The following KCNH8 variants were observed in gnomAD, a reference collection of about 807,000 sequenced individuals.
KCNH8 encodes the protein potassium voltage-gated channel subfamily H member 8, also known as voltage-gated delayed rectifier potassium channel KCNH8.
Under a neutral mutation model 103.6 loss-of-function variants are expected in KCNH8, and 70 were observed. The ratio of observed to expected loss-of-function variants is 0.68; its 90% CI spans 0.56 to 0.82. The LOEUF (loss-of-function observed/expected upper bound fraction) is 0.82, where lower values mean the gene tolerates loss of function less well. Among genes scored for constraint, KCNH8 ranks in the 40% least tolerant of loss-of-function variants. KCNH8 has a pLI of 0.00. For missense variants in KCNH8, 1,217 were observed against 1,329.9 expected, an observed-to-expected ratio of 0.92 and a Z score of 1.32; for synonymous variants, 498 against 489.4, an observed-to-expected ratio of 1.02 and a Z score of -0.23.
intron 5 of KCNH8, among the ~76,000 whole-genome samples, chr3:19,382,734 G>T (rs1008520632): frequency 1.3e-5 from 2 of 151,984 alleles, no homozygotes; most frequent in African/African-American, 4.8e-5. Flanking sequence ...AGTTGGACTC[G>T]AAATTCTACA....
At chr3:19,339,006 T>C (rs1277687321) in intron 3 of KCNH8, among the ~76,000 whole-genome samples, 4 of 152,132 alleles carry the variant, frequency 2.6e-5, no homozygotes, top group Non-Finnish European at 2.9e-5. Flanking sequence ...GATGTGTTTG[T>C]GGTTTATGTA....
chr3:19,423,518 A>G (rs904183102), intron 7 of KCNH8, among the ~76,000 whole-genome samples: 6 of 152,072 alleles, frequency 3.9e-5, no homozygotes, highest in African/African-American at 1.4e-4. Context: ...AAGTGAGAAC[A>G]TACAGTATTT....
Position 19,534,374 on chromosome 3 carries a change from A to T in KCNH8, c.*275A>T. On this transcript the variant is annotated 3_prime_UTR_variant, in exon 16 of 16. Transcript: ENST00000328405. ...ACAATCCAAAGACCCTGAGGGTCTGAGCAGCTAGAAGTCCTAGACAAAGAA... is the reference window on the plus strand; with the variant it reads ...ACAATCCAAAGACCCTGAGGGTCTGTGCAGCTAGAAGTCCTAGACAAAGAA... 1 of 444,560 alleles carries T rather than the reference A, an allele frequency of 2.2e-6. No homozygotes were observed. Among genetic ancestry groups the T allele is most frequent in the Non-Finnish European group, 4.0e-6 (1 of 251,024 alleles). The allele number at this position is 444,560 out of a possible 1,614,324, so 27.5% of individuals were successfully genotyped here.
chr3:19,236,336 G>C (rs1033111509), intron 1 of KCNH8, among the ~76,000 whole-genome samples: 1 of 152,142 alleles, frequency 6.6e-6, no homozygotes, highest in South Asian at 2.1e-4. Context: ...CAAAAATGTG[G>C]ACAGTCATTA....
chr3:19,399,384 T>C (rs961943240), intron 7 of KCNH8, among the ~76,000 whole-genome samples: 1 of 152,006 alleles, frequency 6.6e-6, no homozygotes, highest in African/African-American at 2.4e-5. Flanking sequence ...TTATTTTAGC[T>C]ACTATCACTT....
chr3:19,322,925 T>C (rs2065369208), intron 3 of KCNH8, among the ~76,000 whole-genome samples: 1 of 152,170 alleles, frequency 6.6e-6, no homozygotes, highest in East Asian at 1.9e-4. Context: ...TTGGGTTAAT[T>C]CAAATGCCTT....
Position 19,456,783 on chromosome 3 carries a change from T to C in KCNH8, c.1841T>C (p.Ile614Thr), listed in dbSNP as rs1405480760. The C allele has an allele frequency of 2.5e-6, 4 of 1,609,712 alleles. No individual in the cohort carries two copies. The highest frequency in any genetic ancestry group is 3.4e-6 in the Non-Finnish European group (4 of 1,176,644). ...CTCTTTCTAGGGAAAGGGGATTTAA[T>C]TGGAGCAAATCTATCAATTAAGGAC... is the stretch of plus-strand genomic sequence containing the variant. Reference protein sequence around the residue: ...VLAILGKGDLIGANLSIKDQV... With the variant: ...VLAILGKGDLTGANLSIKDQV... The change falls in exon 11 of 16, where the codon ATT becomes ACT. Residue 614 changes from isoleucine (I) to threonine (T), a missense_variant. This residue lies in a region of KCNH8 where 415 missense variants were observed against 577.4 expected (regional missense o/e 0.72). Transcript: ENST00000328405.
At chr3:19,382,957 T>G (rs1559300715) in intron 5 of KCNH8, among the ~76,000 whole-genome samples, 1 of 152,148 alleles carries the variant, frequency 6.6e-6, no homozygotes, top group Admixed American at 6.5e-5. Context: ...TCTTGTCATA[T>G]GCTTCCATAA....
intron 1 of KCNH8, among the ~76,000 whole-genome samples, chr3:19,230,511 C>T (rs1049772420): frequency 6.6e-6 from 1 of 152,060 alleles, no homozygotes; most frequent in African/African-American, 2.4e-5. Context: ...TAAAGATCTG[C>T]TACTATGCTA....
intron 7 of KCNH8, among the ~76,000 whole-genome samples, chr3:19,413,887 A>G (rs2066822250): frequency 6.6e-6 from 1 of 152,116 alleles, no homozygotes; most frequent in Admixed American, 6.6e-5. Flanking sequence ...CAGGATGAAG[A>G]CATAATATGA....
intron 11 of KCNH8, among the ~76,000 whole-genome samples, chr3:19,472,294 A>AT (rs534098016): frequency 3.3e-4 from 50 of 151,888 alleles, no homozygotes; most frequent in African/African-American, 1.0e-3. Context: ...GGCACTTTAT[A>AT]TACCATCCAG....
chr3:19,213,728 C>G (rs1396118281), intron 1 of KCNH8, among the ~76,000 whole-genome samples: 1 of 152,144 alleles, frequency 6.6e-6, no homozygotes, highest in East Asian at 1.9e-4. Context: ...TAAGTACTTC[C>G]CCTTTAAAGA....
At chr3:19,366,712 A>G (rs1559494360) in intron 5 of KCNH8, among the ~76,000 whole-genome samples, 1 of 152,046 alleles carries the variant, frequency 6.6e-6, no homozygotes, top group Non-Finnish European at 1.5e-5. Context: ...TAGAAAAGGC[A>G]TTATTCACAT....
chr3:19,222,218 A>G (rs1292777526), intron 1 of KCNH8, among the ~76,000 whole-genome samples: 3 of 152,336 alleles, frequency 2.0e-5, no homozygotes, highest in South Asian at 2.1e-4. Flanking sequence ...CAAAAGCTCT[A>G]TGAATTACCC....
chr3:19,192,371 C>A (rs2063561617), intron 1 of KCNH8, among the ~76,000 whole-genome samples: 1 of 151,670 alleles, frequency 6.6e-6, no homozygotes. Flanking sequence ...GCTACTCTCA[C>A]TGGGGTTCCA....
At chr3:19,233,688 TG>T (rs1400413150) in intron 1 of KCNH8, among the ~76,000 whole-genome samples, 3 of 152,324 alleles carry the variant, frequency 2.0e-5, no homozygotes, top group African/African-American at 7.2e-5. Flanking sequence ...CTGGGTACTC[TG>T]GTTTCCTCTC....
At chr3:19,192,044 G>A (rs995087584) in intron 1 of KCNH8, among the ~76,000 whole-genome samples, 2 of 151,412 alleles carry the variant, frequency 1.3e-5, no homozygotes, top group African/African-American at 2.4e-5. Context: ...CTGGTCTCAG[G>A]TTGTACAGCC....
rs1471959236 is a variant in KCNH8 at position 19,513,576 on chromosome 3, ACTAC to A, written c.2435+255_2435+258del. 2.6e-5 allele frequency among the ~76,000 whole-genome samples: 4 copies of A among 152,268 alleles called. 1 individual carries two copies. Among genetic ancestry groups the A allele is most frequent in the South Asian group, 4.1e-4 (2 of 4,828 alleles). ...TCTTTACTCCTTTTATTCATTTTGCACTACCTATTATGTTAAATGTATATTCCTA... is the reference window on the plus strand; with the variant it reads ...TCTTTACTCCTTTTATTCATTTTGCACTATTATGTTAAATGTATATTCCTA... On this transcript the variant is annotated intron_variant, in intron 13 of 15. Transcript: ENST00000328405.
At chr3:19,483,585 T>C (rs538119327) in intron 11 of KCNH8, among the ~76,000 whole-genome samples, 13 of 152,192 alleles carry the variant, frequency 8.5e-5, no homozygotes, top group Admixed American at 1.3e-4. Context: ...TGAAGTGACA[T>C]TGAGAAACTG....
Sources: gnomAD v4.1 joint callset for allele counts (sites outside exome capture counted in the v4.1 genomes callset) on GRCh38, gnomAD v4.1.1 for gene constraint, gnomAD v4.1.1 regional missense constraint, MANE v1.5 for transcripts, NCBI Gene and HGNC (gene_info 2026-07-23, HGNC 2026-07-21) for gene names.